SLC6A18: variants seen among roughly 807,000 people sequenced by gnomAD.
SLC6A18 encodes the protein solute carrier family 6 member 18.
In SLC6A18, 58 loss-of-function variants were observed where a neutral mutation model predicts 62.9. That is an observed-to-expected ratio of 0.92 (90% CI 0.75 to 1.15). The LOEUF is 1.15. Ranked by LOEUF, SLC6A18 falls within the 50% of genes most tolerant of loss-of-function variation. The pLI, the probability that SLC6A18 is intolerant of heterozygous loss-of-function variation, is 0.00. For synonymous variants in SLC6A18, 382 were observed against 365.8 expected, an observed-to-expected ratio of 1.04 and a Z score of -0.51; for missense variants, 793 against 836.6, an observed-to-expected ratio of 0.95 and a Z score of 0.64.
intron 3 of SLC6A18, among the ~76,000 whole-genome samples, chr5:1,233,408 G>T (rs1479870449): frequency 6.6e-6 from 1 of 151,958 alleles, no homozygotes; most frequent in Non-Finnish European, 1.5e-5. Context: ...AACCCGGGAA[G>T]TGGAGGTTGC....
chr5:1,226,863 G>A (rs1157910501), intron 1 of SLC6A18, among the ~76,000 whole-genome samples: 2 of 152,218 alleles, frequency 1.3e-5, no homozygotes, highest in East Asian at 1.9e-4. Context: ...CAGGCTTCAC[G>A]CAGAGCTGGA....
Position 1,246,020 on chromosome 5 carries a change from G to T in SLC6A18, c.1829G>T (p.Arg610Leu). The change falls in exon 12 of 12, where the codon CGC (arginine) becomes CTC (leucine). Residue 610 changes from arginine to leucine, a missense_variant. Physicochemically the swap from Arg to Leu is moderately radical, Grantham distance 102. Coordinates refer to ENST00000324642, the MANE Select transcript of SLC6A18 (RefSeq NM_182632.3). ...GACGCGCGCCCAGACACGGACATGC[G>T]CCCGGACACGGACACGCGCCCAGAC... is the stretch of plus-strand genomic sequence containing the variant. ...DRDARPDTDM[R>L]PDTDTRPDTD... 2 of 1,595,104 alleles carry T rather than the reference G, an allele frequency of 1.3e-6. No homozygotes were observed. The highest frequency in any genetic ancestry group is 1.1e-5 in the South Asian group (1 of 89,948).
intron 10 of SLC6A18, 30 bp from the exon 11 acceptor site, chr5:1,244,578 T>C (rs757684687): frequency 1.7e-5 from 27 of 1,572,652 alleles, no homozygotes; most frequent in Non-Finnish European, 2.3e-5. Flanking sequence ...CCACAGACCA[T>C]GTGAAGCCTG....
chr5:1,238,002 T>A lies in SLC6A18; in HGVS notation c.674T>A (p.Ile225Asn). The A allele has an allele frequency of 6.2e-7, 1 of 1,614,216 alleles. No homozygotes were observed. The highest frequency in any genetic ancestry group is 8.5e-7 in the Non-Finnish European group (1 of 1,180,022). The change falls in exon 5 of 12, where the codon ATC becomes AAC. Residue 225 changes from isoleucine (I) to asparagine (N), a missense_variant. Ile to Asn is a moderately radical substitution (Grantham distance 149). Transcript: ENST00000324642. ...FPYLVLTIFL[I>N]RGLTLPGATK... is the part of the protein sequence containing the mutation. ...TACCTGGTCCTGACCATCTTTCTCATCAGAGGGCTGACCCTGCCAGGGGCA... is the reference window on the plus strand; with the variant it reads ...TACCTGGTCCTGACCATCTTTCTCAACAGAGGGCTGACCCTGCCAGGGGCA...
intron 6 of SLC6A18, among the ~76,000 whole-genome samples, 154 bp downstream of exon 6, chr5:1,239,716 C>T (rs1198708971): frequency 6.6e-6 from 1 of 152,154 alleles, no homozygotes; most frequent in Non-Finnish European, 1.5e-5. Context: ...ACGGCAGCTC[C>T]CAGCACGTCC....
Position 1,244,292 on chromosome 5 carries a change from A to C in SLC6A18, c.1415A>C (p.Asp472Ala), listed in dbSNP as rs763936125. ...QSGNYWLEIF[D>A]NFAASPNLLM... ...GGGAACTACTGGCTGGAGATTTTCG[A>C]CAATTTTGCCGCTTCCCCGAACCTG... The change falls in exon 10 of 12, where the codon GAC becomes GCC. Residue 472 changes from aspartate to alanine, a missense_variant. By Grantham distance (126) the Asp-to-Ala change is moderately radical. Coordinates refer to ENST00000324642, the MANE Select transcript of SLC6A18 (RefSeq NM_182632.3). 6.2e-7 allele frequency: 1 copy of C among 1,613,230 alleles called. No individual in the cohort carries two copies. The highest frequency in any genetic ancestry group is 1.3e-5 in the African/African-American group (1 of 74,620).
intron 1 of SLC6A18, among the ~76,000 whole-genome samples, chr5:1,227,574 T>C (rs1746615344): frequency 6.6e-6 from 1 of 152,266 alleles, no homozygotes; most frequent in African/African-American, 2.4e-5. Flanking sequence ...AAGCAGGTAC[T>C]GTGTAGCTTT....
At position 1,225,554 on chromosome 5, in the gene SLC6A18, A is replaced by G. The variant is rs768259191; in HGVS notation, c.77A>G (p.Gln26Arg). ...AGGCCCAAGTGGGACAACAAGGCCCAGTACCTCCTGAGCTGCACTGGGTTT... is the reference window on the plus strand; with the variant it reads ...AGGCCCAAGTGGGACAACAAGGCCCGGTACCTCCTGAGCTGCACTGGGTTT... ...DERPKWDNKAQYLLSCTGFAV... is the reference protein window; with the variant it reads ...DERPKWDNKARYLLSCTGFAV... The change falls in exon 1 of 12, where the codon CAG becomes CGG. Residue 26 changes from glutamine (Q) to arginine (R), a missense_variant. By Grantham distance (43) the Gln-to-Arg change is conservative. Transcript: ENST00000324642. The G allele has an allele frequency of 6.2e-7, 1 of 1,613,256 alleles. No individual in the cohort carries two copies. Among genetic ancestry groups the G allele is most frequent in the Non-Finnish European group, 8.5e-7 (1 of 1,179,322 alleles).
At chr5:1,229,022 C>A (rs59634181) in intron 1 of SLC6A18, among the ~76,000 whole-genome samples, 5,430 of 152,336 alleles carry the variant, frequency 0.036, 299 homozygotes, top group African/African-American at 0.12. Flanking sequence ...CGTGCCCACG[C>A]AGGCCGGGGA....
Position 1,244,724 on chromosome 5 carries a change from T to C in SLC6A18, c.1613T>C (p.Leu538Pro). The C allele has an allele frequency of 6.2e-7, 1 of 1,612,192 alleles. No homozygotes were observed. The highest frequency in any genetic ancestry group is 8.5e-7 in the Non-Finnish European group (1 of 1,178,382). Residue 538 changes from leucine to proline, a missense_variant, in exon 11 of 12, where the codon CTG becomes CCG. Coordinates refer to ENST00000324642, the MANE Select transcript of SLC6A18 (RefSeq NM_182632.3). ...LTIFVAYIIL[L>P]FWKPLRYKAW... ...ATCTTTGTGGCTTACATCATCCTCC[T>C]GTTCTGGAAGCCACTGAGATACAAG...
In SLC6A18 at chr5:1,240,662, G is replaced by A. The variant is rs555207605; in HGVS notation, c.974+3G>A. On this transcript the variant is annotated splice_donor_region_variant and intron_variant, in intron 7 of 11. Transcript: ENST00000324642. ...GACTACGAGCACTGCCTGGACAGGT[G>A]AGCACAGGTGCCGCGCCTGGCTCTG... 6.2e-7 allele frequency: 1 copy of A among 1,613,580 alleles called. No homozygotes were observed. Among genetic ancestry groups the A allele is most frequent in the African/African-American group, 1.3e-5 (1 of 75,030 alleles).
At chr5:1,232,040 T>C (rs1746742751) in intron 1 of SLC6A18, among the ~76,000 whole-genome samples, 179 bp from the exon 2 acceptor site, 1 of 152,144 alleles carries the variant, frequency 6.6e-6, no homozygotes, top group Non-Finnish European at 1.5e-5. Context: ...CGAGCCAAAA[T>C]CAGAGGCAGG....
rs757074139 is a variant in SLC6A18 at position 1,244,779 on chromosome 5, C to T, written c.1656+12C>T. 13 of 1,587,362 alleles carry T rather than the reference C, an allele frequency of 8.2e-6. No individual in the cohort carries two copies. The highest frequency in any genetic ancestry group is 3.4e-5 in the Admixed American group (2 of 58,602). ...GGAACCCCAAATACGTAGGTCCTTC[C>T]GGTGGGAACCTGGGAAGTCCTGGGA... On this transcript the variant is annotated intron_variant, in intron 11 of 11. Coordinates refer to ENST00000324642, the MANE Select transcript of SLC6A18 (RefSeq NM_182632.3).
In SLC6A18 at chr5:1,244,273, T is replaced by C; in HGVS notation, c.1396T>C (p.Tyr466His). 1 of 1,610,676 alleles carries C rather than the reference T, an allele frequency of 6.2e-7. No individual in the cohort carries two copies. The highest frequency in any genetic ancestry group is 8.5e-7 in the Non-Finnish European group (1 of 1,178,546). Residue 466 changes from tyrosine to histidine, a missense_variant, in exon 10 of 12, where the codon TAC becomes CAC. Transcript: ENST00000324642. ...CTGCTTCACGCTGCAGTCTGGGAAC[T>C]ACTGGCTGGAGATTTTCGACAATTT... ...ATCFTLQSGN[Y>H]WLEIFDNFAA... is the part of the protein sequence containing the mutation.
In SLC6A18 at chr5:1,244,364, G is replaced by A. The variant is rs140885803; in HGVS notation, c.1487G>A (p.Gly496Glu). ...LEVVGVVYVY[G>E]MKRFCDDIAW... ...GTTGTGGGTGTCGTTTATGTTTATG[G>A]AATGAAACGGTGAGCTGCCGCCCCG... Residue 496 changes from glycine to glutamate, a missense_variant, in exon 10 of 12, where the codon GGA becomes GAA. Physicochemically the swap from Gly to Glu is moderately conservative, Grantham distance 98. Coordinates refer to ENST00000324642, the MANE Select transcript of SLC6A18 (RefSeq NM_182632.3). 7.4e-5 allele frequency: 120 copies of A among 1,614,088 alleles called. 5 individuals are homozygous for A. The South Asian group carries it at 1.3e-3, about 17-fold the overall frequency.
chr5:1,233,504 A>G (rs187815161), intron 3 of SLC6A18, among the ~76,000 whole-genome samples: 1 of 152,102 alleles, frequency 6.6e-6, no homozygotes, highest in East Asian at 1.9e-4. Flanking sequence ...AACAAACAAA[A>G]AACAGACTTT....
intron 1 of SLC6A18, among the ~76,000 whole-genome samples, chr5:1,227,344 G>C (rs531247970): frequency 1.3e-5 from 2 of 152,206 alleles, no homozygotes; most frequent in African/African-American, 4.8e-5. Context: ...CGCCAGCTGC[G>C]CGGGGACTTC....
chr5:1,239,101 A>C (rs1266700901), intron 5 of SLC6A18, among the ~76,000 whole-genome samples: 1 of 152,238 alleles, frequency 6.6e-6, no homozygotes, highest in African/African-American at 2.4e-5. Flanking sequence ...CGGGGCTTCA[A>C]ATCACCCAGA....
chr5:1,231,856 C>T (rs1440866313), intron 1 of SLC6A18, among the ~76,000 whole-genome samples: 3 of 152,166 alleles, frequency 2.0e-5, no homozygotes, highest in Admixed American at 6.5e-5. Context: ...TCCCCACTGC[C>T]GGCCACAGCA....
Sources: allele counts gnomAD v4.1 joint callset (sites outside exome capture counted in the v4.1 genomes callset), GRCh38; gene constraint gnomAD v4.1.1; transcripts MANE v1.5; gene names NCBI Gene and HGNC (gene_info 2026-07-23, HGNC 2026-07-21).